Variants in SMARCD3 observed in about 807,000 individuals in gnomAD.
SMARCD3 encodes SWI/SNF-related matrix-associated actin-dependent regulator of chromatin subfamily D member 3.
In SMARCD3, 14 loss-of-function variants were observed where a neutral mutation model predicts 58.0. The observed-to-expected ratio is 0.24, with a 90% CI of 0.16 to 0.38. The LOEUF (loss-of-function observed/expected upper bound fraction) is 0.38. Ranked by LOEUF, SMARCD3 falls within the 10% of genes least tolerant of loss-of-function variation. The pLI is 1.00. For synonymous variants in SMARCD3, 253 were observed against 253.8 expected (o/e 1.00, Z 0.03); for missense variants, 408 against 636.9 (o/e 0.64, Z 3.87).
intron 1 of SMARCD3, among the ~76,000 whole-genome samples, chr7:151,247,097 C>T (rs1368146758): frequency 1.3e-5 from 2 of 152,162 alleles, no homozygotes; most frequent in Non-Finnish European, 2.9e-5. Flanking sequence ...CATGTGTCTG[C>T]TTCCCTCACC....
At chr7:151,261,463 C>T (rs1186927342) in intron 2 of SMARCD3, among the ~76,000 whole-genome samples, 1 of 152,212 alleles carries the variant, frequency 6.6e-6, no homozygotes, top group South Asian at 2.1e-4. Context: ...GTTACCTGAC[C>T]TGTCTGAGCC....
intron 2 of SMARCD3, among the ~76,000 whole-genome samples, chr7:151,274,204 C>T (rs1162958945): frequency 6.6e-6 from 1 of 152,248 alleles, no homozygotes; most frequent in East Asian, 1.9e-4. Flanking sequence ...CCTTGAGGCC[C>T]TGCCAGTACC....
intron 2 of SMARCD3, among the ~76,000 whole-genome samples, chr7:151,269,781 G>A (rs1024852818): frequency 1.6e-4 from 25 of 152,330 alleles, no homozygotes; most frequent in African/African-American, 4.3e-4. Flanking sequence ...AGGGGCGCTC[G>A]GTGAACGCAG....
intron 2 of SMARCD3, among the ~76,000 whole-genome samples, chr7:151,270,383 G>A (rs559680648): frequency 1.3e-4 from 20 of 152,278 alleles, no homozygotes; most frequent in African/African-American, 2.2e-4. Flanking sequence ...AGAATCAGCC[G>A]TAGAGCCACC....
chr7:151,240,013 A>G (rs1584861739), intron 10 of SMARCD3, 99 bp downstream of exon 10: 2 of 1,268,456 alleles, frequency 1.6e-6, no homozygotes, highest in Non-Finnish European at 2.2e-6. Context: ...TTTTAATTTA[A>G]CCCAGACTGC....
intron 2 of SMARCD3, chr7:151,254,259 G>T (rs1803628163): frequency 6.6e-6 from 1 of 152,454 alleles, no homozygotes; most frequent in Non-Finnish European, 1.5e-5. Flanking sequence ...GGTGCCAGGG[G>T]AGTCACCCAG....
intron 2 of SMARCD3, among the ~76,000 whole-genome samples, chr7:151,265,592 C>T (rs1446056185): frequency 1.3e-5 from 2 of 152,244 alleles, no homozygotes; most frequent in East Asian, 1.9e-4. Context: ...TGGGCCTCCC[C>T]TTGGAACATC....
At chr7:151,255,011 G>T (rs1185685773) in intron 2 of SMARCD3, among the ~76,000 whole-genome samples, 1 of 152,178 alleles carries the variant, frequency 6.6e-6, no homozygotes, top group Non-Finnish European at 1.5e-5. Context: ...GCGCGGACTC[G>T]TCGCCCGGCT....
rs1431390975 is a variant in SMARCD3, at chr7:151,248,423, C to T, written c.78+62G>A. On this transcript the variant is annotated intron_variant, in intron 1 of 12. Transcript: ENST00000262188. The surrounding 1 kb of genome is among the most constrained non-coding windows in gnomAD (Gnocchi z 6.1). ...GAGCGCCCTCCCGGCCCCTCCCGATCAGCCCTCCATTCAGCCCGAGCCAGC... is the reference window on the plus strand; with the variant it reads ...GAGCGCCCTCCCGGCCCCTCCCGATTAGCCCTCCATTCAGCCCGAGCCAGC... 13 of 1,408,078 alleles carry T rather than the reference C, an allele frequency of 9.2e-6. No individual in the cohort carries two copies. In the South Asian group the frequency reaches 1.3e-4, roughly 14 times the overall value. 87.2% of individuals were successfully genotyped at this position (1,408,078 alleles called of 1,614,324 possible). A position where few individuals can be genotyped will look rare whatever the true frequency, so the allele number is the denominator to read the frequency against.
At chr7:151,251,130 C>T (rs564640033), upstream of SMARCD3, among the ~76,000 whole-genome samples, 21 of 151,914 alleles carry the variant, frequency 1.4e-4, no homozygotes, top group African/African-American at 3.1e-4. Flanking sequence ...TGGGAGATCC[C>T]GGGCTTGGTC....
At chr7:151,274,114 G>A (rs576922885) in intron 2 of SMARCD3, among the ~76,000 whole-genome samples, 4 of 152,376 alleles carry the variant, frequency 2.6e-5, no homozygotes, top group South Asian at 4.1e-4. Context: ...GGCCTGTGTG[G>A]TCTGTGGCCC....
Position 151,246,484 on chromosome 7 carries a change from G to A in SMARCD3, c.79-813C>T, listed in dbSNP as rs113763107. Among the ~76,000 whole-genome samples the A allele has an allele frequency of 1.3e-5, 2 of 152,184 alleles. No homozygotes were observed. Among genetic ancestry groups the A allele is most frequent in the African/African-American group, 2.4e-5 (1 of 41,442 alleles). ...GACACAGCCAGGATTCTCTGATTGG[G>A]AGGAGGGGAACTGCGTTAGAGGTGG... is the stretch of plus-strand genomic sequence containing the variant. On this transcript the variant is annotated intron_variant, in intron 1 of 12. Transcript: ENST00000262188. This position sits in a 1 kb window ranked among gnomAD's most constrained non-coding sequence, Gnocchi z 4.4.
intron 1 of SMARCD3, among the ~76,000 whole-genome samples, chr7:151,247,903 G>A (rs1035926566): frequency 2.0e-4 from 30 of 152,172 alleles, no homozygotes; most frequent in Non-Finnish European, 4.1e-4. Flanking sequence ...GAGACCCTCA[G>A]AGCCCCTAAC....
chr7:151,248,653 TGAGTC>T lies in SMARCD3; in HGVS notation c.-96_-92del. On this transcript the variant is annotated 5_prime_UTR_variant, in exon 1 of 13. Coordinates refer to ENST00000262188, the MANE Select transcript of SMARCD3 (RefSeq NM_001003801.2). The surrounding 1 kb of genome is among the most constrained non-coding windows in gnomAD (Gnocchi z 6.1). ...TTTTTTTTCCTCCAACTCTCCCCTC[TGAGTC>T]CTGCTGGGCTCTCTCACACTTCTAC... 2 of 1,566,420 alleles carry T rather than the reference TGAGTC, an allele frequency of 1.3e-6. No individual in the cohort carries two copies. Among genetic ancestry groups the T allele is most frequent in the Non-Finnish European group, 1.7e-6 (2 of 1,153,754 alleles).
chr7:151,246,185 T>A lies in SMARCD3; in HGVS notation c.79-514A>T, dbSNP rs1379910964. 6.5e-6 allele frequency: 1 copy of A among 152,744 alleles called. No homozygotes were observed. Among genetic ancestry groups the A allele is most frequent in the East Asian group, 1.9e-4 (1 of 5,184 alleles). 9.5% of individuals were successfully genotyped at this position (152,744 alleles called of 1,614,324 possible). On this transcript the variant is annotated intron_variant, in intron 1 of 12. Coordinates refer to ENST00000262188, the MANE Select transcript of SMARCD3 (RefSeq NM_001003801.2). The surrounding 1 kb of genome is among the most constrained non-coding windows in gnomAD (Gnocchi z 4.4). ...TCTCTGCGGCTTGGTTGAGGTCCGGTACCCGGCTCCCTGCTCCGACTTCTG... is the reference window on the plus strand; with the variant it reads ...TCTCTGCGGCTTGGTTGAGGTCCGGAACCCGGCTCCCTGCTCCGACTTCTG...
At chr7:151,271,275 C>T (rs1795167758) in intron 2 of SMARCD3, among the ~76,000 whole-genome samples, 1 of 152,170 alleles carries the variant, frequency 6.6e-6, no homozygotes, top group African/African-American at 2.4e-5. Flanking sequence ...CAGCATTCCT[C>T]TTCTAGACGA....
chr7:151,272,000 A>G (rs1795188190), intron 2 of SMARCD3, among the ~76,000 whole-genome samples: 1 of 152,188 alleles, frequency 6.6e-6, no homozygotes, highest in Non-Finnish European at 1.5e-5. Context: ...GTAGCAATGC[A>G]TTCCTCTAGT....
chr7:151,274,321 GC>G (rs1795271668), intron 2 of SMARCD3, among the ~76,000 whole-genome samples: 1 of 152,212 alleles, frequency 6.6e-6, no homozygotes, highest in South Asian at 2.1e-4. Flanking sequence ...CCCTTACCAT[GC>G]CAGCTGGGGC....
rs1394689575 is a variant in SMARCD3, at chr7:151,248,584, TCTCA to T, written c.-26_-23del. On this transcript the variant is annotated 5_prime_UTR_variant, in exon 1 of 13. Coordinates refer to ENST00000262188, the MANE Select transcript of SMARCD3 (RefSeq NM_001003801.2). This position sits in a 1 kb window ranked among gnomAD's most constrained non-coding sequence, Gnocchi z 6.1. ...CCATCGGGGTGGGCTCAGCGGCTCCTCTCACTCTCTCTCTCTCTTCCTCTTTCTT... is the reference window on the plus strand; with the variant it reads ...CCATCGGGGTGGGCTCAGCGGCTCCTCTCTCTCTCTCTCTTCCTCTTTCTT... 3 of 1,613,196 alleles carry T rather than the reference TCTCA, an allele frequency of 1.9e-6. No homozygotes were observed. In the South Asian group the frequency reaches 3.3e-5, roughly 18 times the overall value.
Sources: allele counts gnomAD v4.1 joint callset (sites outside exome capture counted in the v4.1 genomes callset), GRCh38; gene constraint gnomAD v4.1.1; non-coding constraint Gnocchi (gnomAD v3.1); transcripts MANE v1.5; gene names NCBI Gene and HGNC (gene_info 2026-07-23, HGNC 2026-07-21).